LRRC49: variants seen among roughly 807,000 people sequenced by gnomAD.
LRRC49 encodes leucine rich repeat containing 49.
LRRC49 carries 50 observed loss-of-function variants against 83.3 expected under a neutral mutation model. The observed-to-expected ratio is 0.60, with a 90% confidence interval of 0.48 to 0.76. LRRC49 has a LOEUF of 0.76. Ranked by LOEUF, LRRC49 falls within the 30% of genes least tolerant of loss-of-function variation. LRRC49 has a pLI of 0.00. For synonymous variants in LRRC49, 286 were observed against 283.3 expected (o/e 1.01, Z -0.10); for missense variants, 704 against 809.1 (o/e 0.87, Z 1.58).
intron 2 of LRRC49, among the ~76,000 whole-genome samples, chr15:70,883,480 C>A (rs926845660): frequency 2.0e-5 from 3 of 151,674 alleles, no homozygotes; most frequent in Non-Finnish European, 2.9e-5. Context: ...AGGCGTGAGG[C>A]ACCTCGCCCA....
chr15:70,981,521 TA>T lies in LRRC49; in HGVS notation c.1005+1345del, dbSNP rs931101266. 3.3e-5 allele frequency among the ~76,000 whole-genome samples: 5 copies of T among 151,596 alleles called. No individual in the cohort carries two copies. The South Asian group carries it at 8.4e-4, about 25-fold the overall frequency. Reference sequence around the variant, plus strand: ...TAAAAAAAAAAAGAATGCTAAAAAATAAAAAAAAGAAAATGGAATGGATTGG... The same window carrying T: ...TAAAAAAAAAAAGAATGCTAAAAAATAAAAAAAGAAAATGGAATGGATTGG... On this transcript the variant is annotated intron_variant, in intron 10 of 15. Coordinates refer to ENST00000260382, the MANE Select transcript of LRRC49 (RefSeq NM_017691.5).
At chr15:71,010,243 G>A (rs915542489) in intron 13 of LRRC49, among the ~76,000 whole-genome samples, 1 of 151,906 alleles carries the variant, frequency 6.6e-6, no homozygotes, top group Non-Finnish European at 1.5e-5. Flanking sequence ...TTGTTTGTAA[G>A]CATTCAGTGA....
At chr15:71,012,779 A>G in intron 13 of LRRC49, 25 bp from the exon 14 acceptor site, 1 of 1,335,652 alleles carries the variant, frequency 7.5e-7, no homozygotes, top group Non-Finnish European at 1.1e-6. Context: ...TCATTTTTTT[A>G]CCCCTTTCTA....
chr15:70,900,246 C>T lies in LRRC49; in HGVS notation c.194-676C>T, dbSNP rs540703159. The T allele has an allele frequency of 1.8e-5, 5 of 277,056 alleles. No individual in the cohort carries two copies. The East Asian group carries it at 3.9e-4, about 22-fold the overall frequency. 17.2% of individuals were successfully genotyped at this position (277,056 alleles called of 1,614,324 possible). ...AATGGCAAGGACACCATCTAACAAA[C>T]AGCCTATAAACCTTAGAGGGGTGTC... is the stretch of plus-strand genomic sequence containing the variant. On this transcript the variant is annotated intron_variant, in intron 3 of 15. Coordinates refer to ENST00000260382, the MANE Select transcript of LRRC49 (RefSeq NM_017691.5).
intron 13 of LRRC49, 129 bp downstream of exon 13, chr15:71,010,121 A>C (rs1357856571): frequency 3.9e-6 from 2 of 515,412 alleles, no homozygotes; most frequent in Non-Finnish European, 6.3e-6. Context: ...TTTTAAATTG[A>C]CATTTAAAAT....
chr15:71,053,619 T>A lies in LRRC49; in HGVS notation c.*4007T>A, dbSNP rs2040017947. On this transcript the variant is annotated 3_prime_UTR_variant, in exon 16 of 16. Coordinates refer to ENST00000260382, the MANE Select transcript of LRRC49 (RefSeq NM_017691.5). ...ATAGCAGTACTTGTTTATGCTATCT[T>A]TATATTTAAGAGAATAAACCTATCA... The A allele has an allele frequency of 6.6e-6, 1 of 152,372 alleles. No homozygotes were observed. The highest frequency in any genetic ancestry group is 1.5e-5 in the Non-Finnish European group (1 of 68,148). The allele number at this position is 152,372 out of a possible 1,614,324, so 9.4% of individuals were successfully genotyped here. A position where few individuals can be genotyped will look rare whatever the true frequency, so the allele number is the denominator to read the frequency against.
chr15:70,909,321 A>C (rs921473268), intron 5 of LRRC49, among the ~76,000 whole-genome samples: 1 of 152,160 alleles, frequency 6.6e-6, no homozygotes, highest in Non-Finnish European at 1.5e-5. Context: ...ATAAATAGTC[A>C]GTGTTTTTAC....
intron 1 of LRRC49, chr15:70,853,919 G>T: frequency 1.4e-6 from 2 of 1,392,102 alleles, no homozygotes; most frequent in Admixed American, 2.7e-5. Flanking sequence ...CTCCTCGCTC[G>T]CGCTGCCCCA....
Position 70,987,551 on chromosome 15 carries a change from G to A in LRRC49, c.1169+3294G>A, listed in dbSNP as rs931590243. Among the ~76,000 whole-genome samples, 9 of 151,070 alleles carry A rather than the reference G, an allele frequency of 6.0e-5. No individual in the cohort carries two copies. The East Asian group carries it at 7.8e-4, about 13-fold the overall frequency. Reference sequence around the variant, plus strand: ...TTTCTTCTTTATTAGTCTTGCTAGCGGTCTATCAATTTTGTTGATCCTTTC... The same window carrying A: ...TTTCTTCTTTATTAGTCTTGCTAGCAGTCTATCAATTTTGTTGATCCTTTC... On this transcript the variant is annotated intron_variant, in intron 11 of 15. Coordinates refer to ENST00000260382, the MANE Select transcript of LRRC49 (RefSeq NM_017691.5).
intron 15 of LRRC49, among the ~76,000 whole-genome samples, chr15:71,044,131 A>G (rs2141308630): frequency 6.6e-6 from 1 of 152,362 alleles, no homozygotes; most frequent in Non-Finnish European, 1.5e-5. Flanking sequence ...AAAAGGGAGC[A>G]GCTACATTCT....
chr15:70,862,276 G>C (rs902215247), intron 1 of LRRC49, among the ~76,000 whole-genome samples: 2 of 151,972 alleles, frequency 1.3e-5, no homozygotes, highest in African/African-American at 2.4e-5. Context: ...CACCTGGGGG[G>C]CTTTTAAAAA....
intron 14 of LRRC49, among the ~76,000 whole-genome samples, chr15:71,036,551 C>T (rs542485713): frequency 1.1e-3 from 174 of 152,282 alleles, no homozygotes; most frequent in African/African-American, 3.9e-3. Context: ...TCATGGAGGA[C>T]GAATCATGGC....
At chr15:70,906,098 CTTTT>C (rs976292654) in intron 5 of LRRC49, among the ~76,000 whole-genome samples, 2 of 130,836 alleles carry the variant, frequency 1.5e-5, no homozygotes, top group Non-Finnish European at 3.3e-5. Flanking sequence ...ATTTTTTTTT[CTTTT>C]TTTTTTTTTT....
At position 70,959,536 on chromosome 15, in the gene LRRC49, G is replaced by GGGAAGGAAGGAAGGAAGGAAGGAAGGAA. The variant is rs375526332; in HGVS notation, c.774-4210_774-4183dup. 5.4e-4 allele frequency among the ~76,000 whole-genome samples: 43 copies of GGGAAGGAAGGAAGGAAGGAAGGAAGGAA among 79,598 alleles called. 1 individual carries two copies. Among genetic ancestry groups the GGGAAGGAAGGAAGGAAGGAAGGAAGGAA allele is most frequent in the South Asian group, 1.2e-3 (2 of 1,632 alleles). 52.2% of individuals were successfully genotyped at this position (79,598 alleles called of 152,430 possible). On this transcript the variant is annotated intron_variant, in intron 8 of 15. Transcript: ENST00000260382. ...AGGGAGGGAGGGAGGGAGGAAAGGA[G>GGGAAGGAAGGAAGGAAGGAAGGAAGGAA]GGAAGGAAGGAAGGAAGGAAGGAAG...
At chr15:71,032,706 CAT>C (rs1243149125) in intron 14 of LRRC49, among the ~76,000 whole-genome samples, 1 of 152,134 alleles carries the variant, frequency 6.6e-6, no homozygotes, top group Non-Finnish European at 1.5e-5. Flanking sequence ...GTTGGTTCAA[CAT>C]AGGCAAATCA....
intron 3 of LRRC49, 55 bp downstream of exon 3, chr15:70,895,991 G>A: frequency 9.7e-7 from 1 of 1,035,964 alleles, no homozygotes; most frequent in South Asian, 1.5e-5. Context: ...ATAATATTAA[G>A]TGTTTAATAA....
intron 14 of LRRC49, among the ~76,000 whole-genome samples, chr15:71,017,081 G>C (rs1394237725): frequency 6.6e-6 from 1 of 152,088 alleles, no homozygotes; most frequent in Admixed American, 6.6e-5. Flanking sequence ...ACTGTACTCT[G>C]ATCTGGGTGA....
intron 1 of LRRC49, among the ~76,000 whole-genome samples, chr15:70,861,832 G>C (rs1256747719): frequency 6.6e-6 from 1 of 152,160 alleles, no homozygotes; most frequent in African/African-American, 2.4e-5. Flanking sequence ...GGCCGAGGCA[G>C]AAGAATTGCT....
rs2040013685 is a variant in LRRC49 at position 71,053,130 on chromosome 15, G to A, written c.*3518G>A. 1 of 152,104 alleles carries A rather than the reference G, an allele frequency of 6.6e-6. No homozygotes were observed. The highest frequency in any genetic ancestry group is 2.4e-5 in the African/African-American group (1 of 41,410). The allele number at this position is 152,104 out of a possible 1,614,324, so 9.4% of individuals were successfully genotyped here. Reference sequence around the variant, plus strand: ...GAGGGGGCAATAATTAAATTAGGGGGACCAGTTGGGAAGGTACTGCATTAT... The same window carrying A: ...GAGGGGGCAATAATTAAATTAGGGGAACCAGTTGGGAAGGTACTGCATTAT... On this transcript the variant is annotated 3_prime_UTR_variant, in exon 16 of 16. Coordinates refer to ENST00000260382, the MANE Select transcript of LRRC49 (RefSeq NM_017691.5).
Sources: allele counts gnomAD v4.1 joint callset (sites outside exome capture counted in the v4.1 genomes callset), GRCh38; gene constraint gnomAD v4.1.1; transcripts MANE v1.5; gene names NCBI Gene and HGNC (gene_info 2026-07-23, HGNC 2026-07-21).